The following TGFA variants were observed in gnomAD, a reference collection of about 807,000 sequenced individuals.
TGFA encodes the protein transforming growth factor alpha.
TGFA carries 12 observed loss-of-function variants against 21.7 expected under a neutral mutation model. The ratio of observed to expected loss-of-function variants is 0.55; its 90% CI spans 0.35 to 0.90. The LOEUF (loss-of-function observed/expected upper bound fraction) is 0.90. Among genes scored for constraint, TGFA ranks in the 40% least tolerant of loss-of-function variants. The pLI, the probability that TGFA is intolerant of heterozygous loss-of-function variation, is 0.01. For missense variants in TGFA, 178 were observed against 210.8 expected (o/e 0.84, Z 0.96); for synonymous variants, 79 against 88.1 (o/e 0.90, Z 0.58).
intron 4 of TGFA, among the ~76,000 whole-genome samples, 158 bp from the exon 5 acceptor site, chr2:70,453,485 G>T (rs1670128099): frequency 6.6e-6 from 1 of 152,222 alleles, no homozygotes; most frequent in African/African-American, 2.4e-5. Context: ...ACCATAGGGG[G>T]CTGAGGGCAT....
intron 2 of TGFA, among the ~76,000 whole-genome samples, chr2:70,512,126 ATC>A (rs1672122799): frequency 6.6e-6 from 1 of 152,286 alleles, no homozygotes; most frequent in South Asian, 2.1e-4. Context: ...CATAAGCCTG[ATC>A]TAGTCATAAA....
Position 70,450,504 on chromosome 2 carries a change from A to C in TGFA, c.*355T>G, listed in dbSNP as rs1368437359. 1 of 227,868 alleles carries C rather than the reference A, an allele frequency of 4.4e-6. No individual in the cohort carries two copies. Among genetic ancestry groups the C allele is most frequent in the Non-Finnish European group, 8.6e-6 (1 of 115,862 alleles). 14.1% of individuals were successfully genotyped at this position (227,868 alleles called of 1,614,324 possible). A position where few individuals can be genotyped will look rare whatever the true frequency, so the allele number is the denominator to read the frequency against. On this transcript the variant is annotated 3_prime_UTR_variant, in exon 6 of 6. Coordinates refer to ENST00000295400, the MANE Select transcript of TGFA (RefSeq NM_003236.4). Reference sequence around the variant, plus strand: ...GTGGGGAGGTGGCCCATTAAAAAGAAATATATAGCCTGGAATCCATGGCTG... The same window carrying C: ...GTGGGGAGGTGGCCCATTAAAAAGACATATATAGCCTGGAATCCATGGCTG...
rs141582665 is a variant in TGFA, at chr2:70,456,386, G to C, written c.318C>G (p.Val106=). The C allele has an allele frequency of 6.3e-7, 1 of 1,579,016 alleles. No homozygotes were observed. Among genetic ancestry groups the C allele is most frequent in the African/African-American group, 1.4e-5 (1 of 74,024 alleles). ...TAAGGACAGCCAGGGCCACGATGGA[G>C]ACCACCACCAAGGCGGTGATGGCCT... ...KKQAITALVV[V]SIVALAVLII... is the part of the protein sequence containing the mutation. The change falls in exon 4 of 6, where the codon GTC becomes GTG. Residue 106 remains valine, a synonymous_variant. Transcript: ENST00000295400.
intron 2 of TGFA, among the ~76,000 whole-genome samples, chr2:70,491,854 C>T (rs1215721544): frequency 6.6e-6 from 1 of 152,214 alleles, no homozygotes; most frequent in Non-Finnish European, 1.5e-5. Context: ...GGGCAGCACT[C>T]CACACATCAT....
chr2:70,465,804 C>A, intron 2 of TGFA, 68 bp from the exon 3 acceptor site: 9 of 1,592,454 alleles, frequency 5.7e-6, no homozygotes, highest in Non-Finnish European at 6.8e-6. Context: ...CACCTCCCAC[C>A]CTACCAGTCA....
In TGFA at chr2:70,453,240, G is replaced by C. The variant is rs535119179; in HGVS notation, c.453C>G (p.Thr151=). ...EKPSALLKGR[T]ACCHSETVV is the part of the protein sequence containing the mutation. ...TACCTGTTTCTGAGTGGCAGCAAGC[G>C]GTTCTTCCCTTCAGGAGGGCGCTGG... The change falls in exon 5 of 6, where the codon ACC becomes ACG. Residue 151 remains threonine (T), a synonymous_variant. Coordinates refer to ENST00000295400, the MANE Select transcript of TGFA (RefSeq NM_003236.4). The C allele has an allele frequency of 2.5e-5, 41 of 1,613,898 alleles. No individual in the cohort carries two copies. The South Asian group carries it at 4.2e-4, about 16-fold the overall frequency.
intron 2 of TGFA, among the ~76,000 whole-genome samples, chr2:70,469,330 TAA>T: frequency 1.3e-5 from 2 of 152,204 alleles, no homozygotes; most frequent in African/African-American, 4.8e-5. Flanking sequence ...ATTAATTAAT[TAA>T]TTAATTTATA....
chr2:70,462,375 G>A (rs1283610396), intron 3 of TGFA, among the ~76,000 whole-genome samples: 2 of 152,236 alleles, frequency 1.3e-5, no homozygotes, highest in Non-Finnish European at 2.9e-5. Flanking sequence ...TCCCAGGGCT[G>A]AACACATGCA....
At chr2:70,459,612 C>T (rs1553491193) in intron 3 of TGFA, among the ~76,000 whole-genome samples, 4 of 152,146 alleles carry the variant, frequency 2.6e-5, no homozygotes, top group Admixed American at 2.6e-4. Context: ...CCAGACAGTG[C>T]CGTCTTAATG....
chr2:70,504,697 C>T (rs1302186904), intron 2 of TGFA, among the ~76,000 whole-genome samples: 1 of 151,684 alleles, frequency 6.6e-6, no homozygotes, highest in Non-Finnish European at 1.5e-5. Context: ...GGGTTAAAAA[C>T]CCAAGAAAGT....
intron 4 of TGFA, 122 bp downstream of exon 4, chr2:70,456,215 GAC>G: frequency 7.6e-7 from 1 of 1,309,584 alleles, no homozygotes; most frequent in East Asian, 2.6e-5. Context: ...TAGCTTTCCT[GAC>G]AGCACTCAGA....
Position 70,531,005 on chromosome 2 carries a change from T to C in TGFA, c.41-16093A>G, listed in dbSNP as rs115442206. 2.7e-3 allele frequency among the ~76,000 whole-genome samples: 410 copies of C among 152,304 alleles called. 2 individuals carry two copies. Among genetic ancestry groups the C allele is most frequent in the African/African-American group, 9.2e-3 (384 of 41,564 alleles). ...CCTGTGGGAGAAAGTTTAACAGAGA[T>C]AGCCACCTCCACTGAAGTGGGTGTG... On this transcript the variant is annotated intron_variant, in intron 1 of 5. Coordinates refer to ENST00000295400, the MANE Select transcript of TGFA (RefSeq NM_003236.4).
In TGFA at chr2:70,509,868, A is replaced by G. The variant is rs1672040294; in HGVS notation, c.94+4991T>C. ...GTAGCCACCCAACAACTTCTTAACC[A>G]GGGTGCATTCTGTCCCTCTTAAGGG... On this transcript the variant is annotated intron_variant, in intron 2 of 5. Coordinates refer to ENST00000295400, the MANE Select transcript of TGFA (RefSeq NM_003236.4). Among the ~76,000 whole-genome samples the G allele has an allele frequency of 2.0e-5, 3 of 152,348 alleles. No individual in the cohort carries two copies. The South Asian group carries it at 6.2e-4, about 32-fold the overall frequency.
rs1218956546 is a variant in TGFA at position 70,449,272 on chromosome 2, T to G, written c.*1587A>C. ...GGGGAAGACAAAATTCTCTGAAAAT[T>G]TCAAGCCAATTTAACATATTTTAAA... On this transcript the variant is annotated 3_prime_UTR_variant, in exon 6 of 6. Transcript: ENST00000295400. 1 of 152,210 alleles carries G rather than the reference T, an allele frequency of 6.6e-6. No individual in the cohort carries two copies. Among genetic ancestry groups the G allele is most frequent in the Non-Finnish European group, 1.5e-5 (1 of 68,042 alleles). 9.4% of individuals were successfully genotyped at this position (152,210 alleles called of 1,614,324 possible).
chr2:70,518,002 A>G (rs1423615812), intron 1 of TGFA, among the ~76,000 whole-genome samples: 1 of 152,204 alleles, frequency 6.6e-6, no homozygotes, highest in Non-Finnish European at 1.5e-5. Context: ...TTCCAGAAAC[A>G]TGTGGCCTTG....
intron 2 of TGFA, among the ~76,000 whole-genome samples, chr2:70,509,965 A>G (rs1553500718): frequency 3.9e-5 from 6 of 152,206 alleles, no homozygotes; most frequent in Non-Finnish European, 8.8e-5. Flanking sequence ...GTTCTAAGCT[A>G]TAGGTGCTGC....
At chr2:70,512,669 C>T (rs547973813) in intron 2 of TGFA, among the ~76,000 whole-genome samples, 1 of 152,354 alleles carries the variant, frequency 6.6e-6, no homozygotes, top group South Asian at 2.1e-4. Context: ...CTGCCCACAT[C>T]TGCCCAGCAG....
At chr2:70,499,532 C>T (rs1417734589) in intron 2 of TGFA, among the ~76,000 whole-genome samples, 1 of 152,164 alleles carries the variant, frequency 6.6e-6, no homozygotes, top group Non-Finnish European at 1.5e-5. Context: ...TTTTTACAAG[C>T]GTTCTGGGTG....
chr2:70,502,619 T>C (rs1409728359), intron 2 of TGFA, among the ~76,000 whole-genome samples: 1 of 152,176 alleles, frequency 6.6e-6, no homozygotes, highest in East Asian at 1.9e-4. Flanking sequence ...CACACCCAGC[T>C]GATCTGTTCT....
Sources: gnomAD v4.1 joint callset for allele counts (sites outside exome capture counted in the v4.1 genomes callset) on GRCh38, gnomAD v4.1.1 for gene constraint, MANE v1.5 for transcripts, NCBI Gene and HGNC (gene_info 2026-07-23, HGNC 2026-07-21) for gene names.